The following OTOGL variants were observed in gnomAD, a reference collection of about 807,000 sequenced individuals.
OTOGL encodes otogelin like, also known as otogelin-like protein.
A neutral mutation model predicts 318.5 loss-of-function variants in OTOGL; 285 were observed. That is an observed-to-expected ratio of 0.89 (90% CI 0.81 to 0.99). OTOGL has a LOEUF of 0.99. Ranked by LOEUF, OTOGL falls within the 50% of genes least tolerant of loss-of-function variation. The pLI is 0.00. For missense variants in OTOGL, 2,899 were observed against 2,845.6 expected (o/e 1.02, Z -0.43); for synonymous variants, 987 against 936.5 (o/e 1.05, Z -0.99).
intron 1 of OTOGL, among the ~76,000 whole-genome samples, chr12:80,188,819 A>G (rs1395632244): frequency 2.0e-5 from 3 of 152,214 alleles, no homozygotes; most frequent in Non-Finnish European, 4.4e-5. Context: ...TCGATCCTCC[A>G]CAGACCTTTC....
intron 1 of OTOGL, among the ~76,000 whole-genome samples, chr12:80,150,504 C>T (rs17006442): frequency 0.065 from 9,922 of 152,212 alleles, 1,019 homozygotes; most frequent in African/African-American, 0.22. Flanking sequence ...AGGCAGTGAG[C>T]GATGGACCAA....
At chr12:80,293,243 T>C (rs1885166003) in intron 26 of OTOGL, among the ~76,000 whole-genome samples, 1 of 152,224 alleles carries the variant, frequency 6.6e-6, no homozygotes, top group Non-Finnish European at 1.5e-5. Flanking sequence ...AATCTTTTAC[T>C]ATCTCTTAAT....
chr12:80,333,769 C>T (rs997471756), intron 38 of OTOGL, among the ~76,000 whole-genome samples: 2 of 152,094 alleles, frequency 1.3e-5, no homozygotes, highest in African/African-American at 4.8e-5. Flanking sequence ...ACTGATAAGG[C>T]AACCTCTAAG....
At chr12:80,306,818 A>ATTT (rs1241652929) in intron 29 of OTOGL, among the ~76,000 whole-genome samples, 40 of 104,102 alleles carry the variant, frequency 3.8e-4, no homozygotes, top group East Asian at 2.0e-3. Flanking sequence ...TATTATTATT[A>ATTT]TTTTTTAATT....
intron 30 of OTOGL, among the ~76,000 whole-genome samples, chr12:80,311,688 T>A (rs186624216): frequency 6.6e-6 from 1 of 152,188 alleles, no homozygotes; most frequent in Admixed American, 6.5e-5. Context: ...ATTACAGGCG[T>A]GAACCACTGC....
chr12:80,365,884 A>C (rs1890497506), intron 52 of OTOGL, among the ~76,000 whole-genome samples: 1 of 152,146 alleles, frequency 6.6e-6, no homozygotes, highest in Admixed American at 6.6e-5. Context: ...CTTTAGACAC[A>C]ATTCTTGAAA....
intron 38 of OTOGL, among the ~76,000 whole-genome samples, chr12:80,335,525 A>T (rs962098122): frequency 6.6e-6 from 1 of 152,086 alleles, no homozygotes; most frequent in Admixed American, 6.6e-5. Context: ...GTGCTGTGAA[A>T]CTGATGTTAT....
intron 34 of OTOGL, among the ~76,000 whole-genome samples, chr12:80,321,590 T>A (rs1388936203): frequency 6.6e-6 from 1 of 151,058 alleles, no homozygotes; most frequent in Non-Finnish European, 1.5e-5. Flanking sequence ...AATAAAAAAA[T>A]AAAAAATAAA....
chr12:80,208,303 A>G (rs1876971787), intron 1 of OTOGL: 2 of 472,534 alleles, frequency 4.2e-6, no homozygotes, highest in South Asian at 1.5e-5. Flanking sequence ...ACCATGTAAC[A>G]TTAGTTAGGA....
In OTOGL at chr12:80,355,800, A is replaced by G; in HGVS notation, c.5658A>G (p.Glu1886=). 2 of 1,613,866 alleles carry G rather than the reference A, an allele frequency of 1.2e-6. No homozygotes were observed. The highest frequency in any genetic ancestry group is 1.7e-6 in the Non-Finnish European group (2 of 1,179,812). ...AGATTTGGAATGGGGGCATTGATGA[A>G]TGCACTCTATACAAATGTTTGGAGA... ...AGEIWNGGID[E]CTLYKCLENG... The change falls in exon 47 of 59, where the codon GAA becomes GAG. Residue 1886 remains glutamate, a synonymous_variant. Transcript: ENST00000547103.
chr12:80,357,214 C>G (rs1889962204), intron 49 of OTOGL, among the ~76,000 whole-genome samples: 1 of 152,200 alleles, frequency 6.6e-6, no homozygotes, highest in African/African-American at 2.4e-5. Context: ...CACTGGCTTT[C>G]CTTGAAGAAC....
chr12:80,324,027 T>C (rs1887524579), intron 35 of OTOGL, among the ~76,000 whole-genome samples, 187 bp downstream of exon 35: 1 of 152,262 alleles, frequency 6.6e-6, no homozygotes, highest in Admixed American at 6.5e-5. Context: ...GGCAATCTTC[T>C]TGCTGCTGGG....
rs753725818 is a variant in OTOGL, at chr12:80,367,720, GT to G, written c.6493del (p.Ser2165GlnfsTer42). On this transcript the variant is annotated frameshift_variant, in exon 54 of 59. Transcript: ENST00000547103. LOFTEE classifies it high-confidence loss of function. The part of the protein sequence containing the change: ...FHTLNFTLVN[C>X]SKKCDVHQVY... ...ACTCTGAATTTTACACTGGTGAATT[GT>G]TCAAAAAAATGTGATGTTGTAAGTA... is the stretch of plus-strand genomic sequence containing the variant. 7.0e-7 allele frequency: 1 copy of G among 1,422,208 alleles called. No homozygotes were observed. The highest frequency in any genetic ancestry group is 9.3e-7 in the Non-Finnish European group (1 of 1,079,858). The allele number at this position is 1,422,208 out of a possible 1,614,324, so 88.1% of individuals were successfully genotyped here. A position where few individuals can be genotyped will look rare whatever the true frequency, so the allele number is the denominator to read the frequency against.
At chr12:80,368,077 T>G in intron 54 of OTOGL, 128 bp from the exon 55 acceptor site, 1 of 689,534 alleles carries the variant, frequency 1.5e-6, no homozygotes, top group East Asian at 2.8e-5. Context: ...GCTTCTCATA[T>G]TCAACCTTAG....
intron 1 of OTOGL, among the ~76,000 whole-genome samples, chr12:80,101,170 T>C (rs995885029): frequency 2.0e-5 from 3 of 152,192 alleles, no homozygotes; most frequent in African/African-American, 7.2e-5. Context: ...GCAGAATCTC[T>C]TGCTTTTTCT....
At chr12:80,299,848 GAGAAGCATT>G (rs1439727876) in intron 27 of OTOGL, among the ~76,000 whole-genome samples, 2 of 152,122 alleles carry the variant, frequency 1.3e-5, no homozygotes, top group Non-Finnish European at 2.9e-5. Flanking sequence ...CTGTTCTAAT[GAGAAGCATT>G]ATTTAAGAAT....
intron 1 of OTOGL, among the ~76,000 whole-genome samples, chr12:80,197,546 A>G (rs138909107): frequency 1.6e-3 from 237 of 152,256 alleles, no homozygotes; most frequent in Non-Finnish European, 2.7e-3. Context: ...GAGTTCGGCT[A>G]TTTTTGTCAA....
intron 7 of OTOGL, among the ~76,000 whole-genome samples, chr12:80,225,242 C>T (rs1294776740): frequency 1.3e-5 from 2 of 151,964 alleles, no homozygotes; most frequent in Non-Finnish European, 2.9e-5. Context: ...ACTACTCCCC[C>T]ACCCCTCACT....
intron 37 of OTOGL, among the ~76,000 whole-genome samples, chr12:80,329,673 A>C (rs1887947496): frequency 1.3e-5 from 2 of 152,204 alleles, no homozygotes; most frequent in African/African-American, 4.8e-5. Flanking sequence ...GCCTCAGGGA[A>C]GGATTTAATA....
Sources: gnomAD v4.1 joint callset for allele counts (sites outside exome capture counted in the v4.1 genomes callset) on GRCh38, gnomAD v4.1.1 for gene constraint, MANE v1.5 for transcripts, NCBI Gene and HGNC (gene_info 2026-07-23, HGNC 2026-07-21) for gene names.